The following COQ10B variants were observed in gnomAD, a reference collection of about 807,000 sequenced individuals.
The protein encoded by COQ10B is coenzyme Q10B.
COQ10B carries 12 observed loss-of-function variants against 27.6 expected under a neutral mutation model. That is an observed-to-expected ratio of 0.43 (90% CI 0.28 to 0.70). The LOEUF (loss-of-function observed/expected upper bound fraction) is 0.70, where lower values mean the gene tolerates loss of function less well. Among genes scored for constraint, COQ10B ranks in the 30% least tolerant of loss-of-function variants. COQ10B has a pLI of 0.17. For missense variants in COQ10B, 278 were observed against 288.7 expected, an observed-to-expected ratio of 0.96 and a Z score of 0.27; for synonymous variants, 115 against 103.0, an observed-to-expected ratio of 1.12 and a Z score of -0.71.
At chr2:197,460,838 TTAAA>T (rs2085749938) in intron 2 of COQ10B, among the ~76,000 whole-genome samples, 1 of 152,200 alleles carries the variant, frequency 6.6e-6, no homozygotes, top group Non-Finnish European at 1.5e-5. Context: ...TAGATAATAT[TTAAA>T]TAAACGGGTG....
rs2085777036 is a variant in COQ10B at position 197,462,864 on chromosome 2, T to C, written c.447+133T>C. On this transcript the variant is annotated intron_variant, in intron 3 of 4. Transcript: ENST00000263960. The stretch of plus-strand genomic sequence containing the variant: ...AGGGTAAAAAATTTATTATATCTCC[T>C]AACTGTGTTACTTTATACAATGTTA... 2 of 536,922 alleles carry C rather than the reference T, an allele frequency of 3.7e-6. 1 individual carries two copies. Among genetic ancestry groups the C allele is most frequent in the South Asian group, 5.5e-5 (2 of 36,322 alleles). 33.3% of individuals were successfully genotyped at this position (536,922 alleles called of 1,614,324 possible).
At chr2:197,455,616 G>A (rs1015145568) in intron 1 of COQ10B, among the ~76,000 whole-genome samples, 4 of 151,952 alleles carry the variant, frequency 2.6e-5, no homozygotes, top group African/African-American at 9.7e-5. Flanking sequence ...AGTGAGCCTT[G>A]TTTGGGCCAC....
intron 1 of COQ10B, among the ~76,000 whole-genome samples, chr2:197,459,474 C>T (rs2085733996): frequency 6.6e-6 from 1 of 152,132 alleles, no homozygotes; most frequent in Non-Finnish European, 1.5e-5. Flanking sequence ...CATCAGTACT[C>T]ACCATCTGGT....
At chr2:197,469,044 T>G (rs926351416) in intron 3 of COQ10B, among the ~76,000 whole-genome samples, 5 of 152,122 alleles carry the variant, frequency 3.3e-5, no homozygotes, top group Admixed American at 2.6e-4. Flanking sequence ...TATTTTTATT[T>G]TATTTTTTCA....
At chr2:197,458,116 C>CTT (rs140427468) in intron 1 of COQ10B, among the ~76,000 whole-genome samples, 29 of 143,690 alleles carry the variant, frequency 2.0e-4, no homozygotes, top group East Asian at 4.1e-4. Flanking sequence ...TTTTCTTTTT[C>CTT]TTTTTTTTTT....
At chr2:197,473,415 A>AAAAAATATAT (rs1229206676) in intron 4 of COQ10B, among the ~76,000 whole-genome samples, 9 of 59,502 alleles carry the variant, frequency 1.5e-4, no homozygotes, top group Non-Finnish European at 2.0e-4. Flanking sequence ...AAAAAAAAAA[A>AAAAAATATAT]ATATATATAT....
chr2:197,464,020 CACACACATACAT>C (rs1248449898), intron 3 of COQ10B, among the ~76,000 whole-genome samples: 1 of 117,616 alleles, frequency 8.5e-6, no homozygotes, highest in African/African-American at 3.2e-5. Context: ...CACACACACA[CACACACATACAT>C]ACACACACAT....
chr2:197,473,712 C>G, intron 4 of COQ10B, 45 bp from the exon 5 acceptor site: 4 of 1,215,364 alleles, frequency 3.3e-6, no homozygotes, highest in East Asian at 3.0e-5. Context: ...AAAAAAAAAG[C>G]AAAAAATAAT....
chr2:197,454,279 A>G, intron 1 of COQ10B: 1 of 681,400 alleles, frequency 1.5e-6, no homozygotes, highest in South Asian at 2.0e-5. Flanking sequence ...GGGGGTGGAG[A>G]TGGAGGTCGG....
At position 197,473,809 on chromosome 2, in the gene COQ10B, T is replaced by C; in HGVS notation, c.602T>C (p.Phe201Ser). The C allele has an allele frequency of 1.3e-6, 2 of 1,597,624 alleles. No homozygotes were observed. The highest frequency in any genetic ancestry group is 1.7e-6 in the Non-Finnish European group (2 of 1,169,708). ...CATTCCCAGCTTGCCACACTCTTTTTTGATGAAGTTGTGAAGCAGATGGTA... is the reference window on the plus strand; with the variant it reads ...CATTCCCAGCTTGCCACACTCTTTTCTGATGAAGTTGTGAAGCAGATGGTA... Reference protein sequence around the residue: ...LLHSQLATLFFDEVVKQMVAA... With the variant: ...LLHSQLATLFSDEVVKQMVAA... The change falls in exon 5 of 5, where the codon TTT (phenylalanine) becomes TCT (serine). Residue 201 changes from phenylalanine (F) to serine (S), a missense_variant. Phe to Ser is a radical substitution (Grantham distance 155). Around this residue, in one of 3 missense-constraint regions of COQ10B, gnomAD observed 83 missense variants for 104.5 expected, o/e 0.79. Transcript: ENST00000263960.
rs565799877 is a variant in COQ10B, at chr2:197,469,661, T to G, written c.448-409T>G. 5.1e-4 allele frequency among the ~76,000 whole-genome samples: 78 copies of G among 152,288 alleles called. 2 individuals carry two copies. In the South Asian group the frequency reaches 8.5e-3, roughly 17 times the overall value. On this transcript the variant is annotated intron_variant, in intron 3 of 4. Transcript: ENST00000263960. ...ACCAGGTACCTTATTAACATTTCAG[T>G]GATCTCATGATATAAAGTAGGTATT...
chr2:197,469,872 G>GAA (rs374357908), intron 3 of COQ10B, among the ~76,000 whole-genome samples, 198 bp from the exon 4 acceptor site: 1 of 139,216 alleles, frequency 7.2e-6, no homozygotes, highest in South Asian at 2.3e-4. Context: ...ATCCCTGCAG[G>GAA]AAAAAAAAAA....
chr2:197,470,106 G>C lies in COQ10B; in HGVS notation c.484G>C (p.Glu162Gln). ...CTDGRLFNHL[E>Q]TIWRFSPGLP... ...TGATGGGAGACTTTTCAATCATTTGGAGACTATTTGGCGTTTTAGCCCAGG... is the reference window on the plus strand; with the variant it reads ...TGATGGGAGACTTTTCAATCATTTGCAGACTATTTGGCGTTTTAGCCCAGG... The change falls in exon 4 of 5, where the codon GAG becomes CAG. Residue 162 changes from glutamate (E) to glutamine (Q), a missense_variant. Transcript: ENST00000263960. The C allele has an allele frequency of 6.2e-7, 1 of 1,613,358 alleles. No homozygotes were observed. Among genetic ancestry groups the C allele is most frequent in the Non-Finnish European group, 8.5e-7 (1 of 1,179,566 alleles).
rs554556100 is a variant in COQ10B at position 197,454,096 on chromosome 2, C to G, written c.104+432C>G. On this transcript the variant is annotated intron_variant, in intron 1 of 4. Coordinates refer to ENST00000263960, the MANE Select transcript of COQ10B (RefSeq NM_025147.5). ...CTTCTACCTGCCAGATGGTCAGATGCGTTTTCCCAATTTCTGAAAGAGTGC... is the reference window on the plus strand; with the variant it reads ...CTTCTACCTGCCAGATGGTCAGATGGGTTTTCCCAATTTCTGAAAGAGTGC... 90 of 1,550,476 alleles carry G rather than the reference C, an allele frequency of 5.8e-5. No individual in the cohort carries two copies. In the South Asian group the frequency reaches 1.0e-3, roughly 17 times the overall value.
chr2:197,473,416 ATATATAT>A lies in COQ10B; in HGVS notation c.550-340_550-334del, dbSNP rs1198274994. Among the ~76,000 whole-genome samples, 22 of 51,256 alleles carry A rather than the reference ATATATAT, an allele frequency of 4.3e-4. 3 individuals carry two copies. The highest frequency in any genetic ancestry group is 1.6e-3 in the Admixed American group (6 of 3,792). 33.6% of individuals were successfully genotyped at this position (51,256 alleles called of 152,430 possible). A position where few individuals can be genotyped will look rare whatever the true frequency, so the allele number is the denominator to read the frequency against. ...GCCCCCCCCCACAAAAAAAAAAAAAATATATATATATATATATATATATATACACATA... is the reference window on the plus strand; with the variant it reads ...GCCCCCCCCCACAAAAAAAAAAAAAAATATATATATATATATATACACATA... On this transcript the variant is annotated intron_variant, in intron 4 of 4. Transcript: ENST00000263960.
chr2:197,468,137 T>C (rs906018703), intron 3 of COQ10B, among the ~76,000 whole-genome samples: 5 of 151,992 alleles, frequency 3.3e-5, no homozygotes, highest in African/African-American at 1.2e-4. Flanking sequence ...CTGCCAGATT[T>C]TGTATAAAAG....
At chr2:197,464,923 G>C (rs1201862141) in intron 3 of COQ10B, among the ~76,000 whole-genome samples, 1 of 149,898 alleles carries the variant, frequency 6.7e-6, no homozygotes, top group African/African-American at 2.5e-5. Flanking sequence ...GCCCATGCTG[G>C]AGTGCAGTGG....
intron 3 of COQ10B, among the ~76,000 whole-genome samples, chr2:197,464,053 G>GTATA (rs530445633): frequency 2.3e-3 from 181 of 79,018 alleles, no homozygotes; most frequent in East Asian, 7.7e-3. Context: ...ATATATATAC[G>GTATA]TATATATATA....
intron 1 of COQ10B, chr2:197,454,245 T>C: frequency 9.1e-7 from 1 of 1,099,798 alleles, no homozygotes; most frequent in Non-Finnish European, 1.3e-6. Flanking sequence ...TCGATTTTCC[T>C]GGTTGGTTCA....
Sources: allele counts gnomAD v4.1 joint callset (sites outside exome capture counted in the v4.1 genomes callset), GRCh38; gene constraint gnomAD v4.1.1; regional missense constraint gnomAD v4.1.1; transcripts MANE v1.5; gene names NCBI Gene and HGNC (gene_info 2026-07-23, HGNC 2026-07-21).